Variants in RREB1 observed in about 807,000 individuals in gnomAD.
The protein encoded by RREB1 is ras responsive element binding protein 1.
In RREB1, 27 loss-of-function variants were observed where a neutral mutation model predicts 117.8. The ratio of observed to expected loss-of-function variants is 0.23; its 90% CI spans 0.17 to 0.32. The LOEUF is 0.32. Among genes scored for constraint, RREB1 ranks in the 10% least tolerant of loss-of-function variants. The probability of loss-of-function intolerance (pLI) is 1.00; values close to 1 mark genes in which losing one functional copy is unlikely to be tolerated. For synonymous variants in RREB1, 1,298 were observed against 1,026.7 expected (o/e 1.26, Z -5.05); for missense variants, 2,577 against 2,378.2 (o/e 1.08, Z -1.74).
chr6:7,245,257 G>A (rs951675418), intron 11 of RREB1, among the ~76,000 whole-genome samples: 12 of 152,224 alleles, frequency 7.9e-5, no homozygotes, highest in African/African-American at 1.9e-4. Flanking sequence ...TCAGCTGGGC[G>A]TGGTGGTGGG....
At position 7,230,198 on chromosome 6, in the gene RREB1, T is replaced by A; in HGVS notation, c.2099T>A (p.Ile700Asn). The change falls in exon 10 of 13, where the codon ATT becomes AAT. Residue 700 changes from isoleucine (I) to asparagine (N), a missense_variant. By Grantham distance (149) the Ile-to-Asn change is moderately radical. Coordinates refer to ENST00000379938, the MANE Select transcript of RREB1 (RefSeq NM_001003699.4). ...LRTHSGERPY[I>N]CKICHYPFTV... ...ACGCACAGTGGGGAGCGGCCCTACATTTGCAAGATCTGCCACTACCCCTTC... is the reference window on the plus strand; with the variant it reads ...ACGCACAGTGGGGAGCGGCCCTACAATTGCAAGATCTGCCACTACCCCTTC... 1 of 1,605,536 alleles carries A rather than the reference T, an allele frequency of 6.2e-7. No homozygotes were observed. Among genetic ancestry groups the A allele is most frequent in the Non-Finnish European group, 8.5e-7 (1 of 1,179,802 alleles).
chr6:7,227,044 C>T (rs1316055033), intron 9 of RREB1, among the ~76,000 whole-genome samples: 2 of 152,054 alleles, frequency 1.3e-5, no homozygotes, highest in African/African-American at 4.8e-5. Context: ...AGGTTGAGAC[C>T]TGCCTGGACA....
At chr6:7,238,380 G>A (rs963188648) in intron 10 of RREB1, among the ~76,000 whole-genome samples, 1 of 152,162 alleles carries the variant, frequency 6.6e-6, no homozygotes, top group African/African-American at 2.4e-5. Flanking sequence ...TGGGATTAAG[G>A]TGTGCACCAC....
intron 1 of RREB1, among the ~76,000 whole-genome samples, chr6:7,164,541 A>T (rs1330693418): frequency 6.6e-6 from 1 of 152,130 alleles, no homozygotes; most frequent in South Asian, 2.1e-4. Flanking sequence ...GGAGTCAGGA[A>T]CTCTGTCCAC....
chr6:7,242,110 G>A (rs1242722804), intron 11 of RREB1, among the ~76,000 whole-genome samples: 1 of 152,230 alleles, frequency 6.6e-6, no homozygotes, highest in Non-Finnish European at 1.5e-5. Flanking sequence ...TTCCACAGTA[G>A]CGAAAGCAGC....
In RREB1 at chr6:7,175,511, G is replaced by A. The variant is rs552318117; in HGVS notation, c.-284-1144G>A. Among the ~76,000 whole-genome samples, 9 of 152,298 alleles carry A rather than the reference G, an allele frequency of 5.9e-5. No homozygotes were observed. In the East Asian group the frequency reaches 1.7e-3, roughly 29 times the overall value. On this transcript the variant is annotated intron_variant, in intron 1 of 12. Transcript: ENST00000379938. ...CAGCTTGTCTGTAGATGCTCCAGAA[G>A]GGGAATAAAAGTGAGAAAATATGCC...
Position 7,229,778 on chromosome 6 carries a change from C to T in RREB1, c.1679C>T (p.Ala560Val). The T allele has an allele frequency of 2.5e-6, 4 of 1,606,894 alleles. No individual in the cohort carries two copies. The highest frequency in any genetic ancestry group is 4.5e-5 in the East Asian group (2 of 44,664). ...GGCTCAGTGGAGGCGGCCTCCAACG[C>T]CCACCTGCTGCAGTCCAAGTCCGGG... is the stretch of plus-strand genomic sequence containing the variant. ...LKGSVEAASN[A>V]HLLQSKSGTQ... Residue 560 changes from alanine (A) to valine (V), a missense_variant, in exon 10 of 13, where the codon GCC (alanine) becomes GTC (valine). Ala to Val is a moderately conservative substitution (Grantham distance 64). Coordinates refer to ENST00000379938, the MANE Select transcript of RREB1 (RefSeq NM_001003699.4). The surrounding 1 kb of genome is among the most constrained non-coding windows in gnomAD (Gnocchi z 4.5).
intron 1 of RREB1, among the ~76,000 whole-genome samples, chr6:7,127,401 A>G (rs766531588): frequency 6.6e-6 from 1 of 152,126 alleles, no homozygotes; most frequent in Non-Finnish European, 1.5e-5. Context: ...AACCCAGGAT[A>G]TGTGGGCTGC....
chr6:7,187,926 T>C (rs937723710), intron 5 of RREB1, among the ~76,000 whole-genome samples: 3 of 152,144 alleles, frequency 2.0e-5, no homozygotes, highest in Non-Finnish European at 4.4e-5. Context: ...GAGGCCAAGA[T>C]AGGCGGATCA....
chr6:7,154,470 C>T (rs1763267100), intron 1 of RREB1, among the ~76,000 whole-genome samples: 1 of 152,142 alleles, frequency 6.6e-6, no homozygotes, highest in South Asian at 2.1e-4. Context: ...CTAATGTGAA[C>T]GTACAGTATG....
chr6:7,246,986 G>C lies in RREB1; in HGVS notation c.4536G>C (p.Pro1512=), dbSNP rs763174623. The C allele has an allele frequency of 2.5e-6, 4 of 1,591,450 alleles. No individual in the cohort carries two copies. Among genetic ancestry groups the C allele is most frequent in the East Asian group, 2.3e-5 (1 of 43,262 alleles). ...CGGCAGAGGTGGTGGAGTCGGCCCC[G>C]GGTGCCGGGGAGGCCCCGGCGGAAA... ...ETPAEVVESA[P]GAGEAPAEKL... is the part of the protein sequence containing the mutation. The change falls in exon 12 of 13, where the codon CCG becomes CCC. Residue 1512 remains proline (P), a synonymous_variant. Coordinates refer to ENST00000379938, the MANE Select transcript of RREB1 (RefSeq NM_001003699.4).
chr6:7,134,616 GCA>G (rs914805753), intron 1 of RREB1, among the ~76,000 whole-genome samples: 1 of 152,076 alleles, frequency 6.6e-6, no homozygotes, highest in Non-Finnish European at 1.5e-5. Flanking sequence ...CATTTTAGTG[GCA>G]CTTATCTTTA....
chr6:7,157,135 A>G (rs980503428), intron 1 of RREB1, among the ~76,000 whole-genome samples: 1 of 152,138 alleles, frequency 6.6e-6, no homozygotes, highest in African/African-American at 2.4e-5. Flanking sequence ...TGACTAATTA[A>G]TTAGTAAAAT....
intron 6 of RREB1, 35 bp downstream of exon 6, chr6:7,189,357 T>G (rs374627201): frequency 6.5e-7 from 1 of 1,537,032 alleles, no homozygotes; most frequent in African/African-American, 1.4e-5. Context: ...GGGGGTTGGC[T>G]GGTACTTGGA....
intron 1 of RREB1, among the ~76,000 whole-genome samples, chr6:7,171,726 G>A (rs1401400003): frequency 2.0e-5 from 3 of 152,138 alleles, no homozygotes; most frequent in East Asian, 1.9e-4. Context: ...AGAGGTGAGT[G>A]TGTCCTGGAA....
At chr6:7,174,681 T>C (rs1229801818) in intron 1 of RREB1, among the ~76,000 whole-genome samples, 3 of 152,218 alleles carry the variant, frequency 2.0e-5, no homozygotes, top group Non-Finnish European at 4.4e-5. Context: ...CAATCTCAGC[T>C]CACTGCAACC....
chr6:7,159,266 T>C (rs1447694320), intron 1 of RREB1, among the ~76,000 whole-genome samples: 1 of 152,200 alleles, frequency 6.6e-6, no homozygotes, highest in Non-Finnish European at 1.5e-5. Context: ...GGGCCATGTT[T>C]ACACCCACAG....
At chr6:7,110,952 G>A (rs1287825829) in intron 1 of RREB1, among the ~76,000 whole-genome samples, 1 of 152,204 alleles carries the variant, frequency 6.6e-6, no homozygotes, top group African/African-American at 2.4e-5. Context: ...TATGTGATGG[G>A]GAACATGCGT....
At chr6:7,132,024 A>G in intron 1 of RREB1, among the ~76,000 whole-genome samples, 1 of 151,890 alleles carries the variant, frequency 6.6e-6, no homozygotes, top group Non-Finnish European at 1.5e-5. Context: ...ACTCCCAGCT[A>G]GTTTTTGTAT....
Sources: gnomAD v4.1 joint callset for allele counts (sites outside exome capture counted in the v4.1 genomes callset) on GRCh38, gnomAD v4.1.1 for gene constraint, Gnocchi (gnomAD v3.1) non-coding constraint, MANE v1.5 for transcripts, NCBI Gene and HGNC (gene_info 2026-07-23, HGNC 2026-07-21) for gene names.